Variants in ZC4H2 observed in about 807,000 individuals in gnomAD.
The protein encoded by ZC4H2 is zinc finger C4H2-type containing.
For missense variants in ZC4H2, 137 were observed against 173.9 expected (o/e 0.79, Z 1.19); for synonymous variants, 84 against 66.3 (o/e 1.27, Z -1.30).
At chrX:64,931,630 A>G (rs1227175455) in intron 1 of ZC4H2, among the ~76,000 whole-genome samples, 1 of 111,655 alleles carries the variant, frequency 9.0e-6, no homozygotes, top group African/African-American at 3.3e-5. Flanking sequence ...TCAAGAGCAG[A>G]TTACTTACTT....
intron 1 of ZC4H2, among the ~76,000 whole-genome samples, chrX:64,940,504 C>A (rs12557233): frequency 9.0e-6 from 1 of 111,402 alleles, no homozygotes; most frequent in South Asian, 3.7e-4. Flanking sequence ...AATGGTACTG[C>A]CTGGGTTTTC....
chrX:64,976,297 GC>G, intron 1 of ZC4H2, 27 bp downstream of exon 1: 1 of 1,206,559 alleles, frequency 8.3e-7, no homozygotes, highest in East Asian at 3.0e-5. Flanking sequence ...TTGGAGAGGG[GC>G]GGGGAGGGGG....
chrX:64,987,131 T>C, intron 1 of ZC4H2, among the ~76,000 whole-genome samples: 1 of 109,351 alleles, frequency 9.1e-6, no homozygotes, highest in East Asian at 2.9e-4. Flanking sequence ...GGTTTCACTG[T>C]GTTAGCCAGG....
intron 1 of ZC4H2, among the ~76,000 whole-genome samples, chrX:64,940,801 C>T (rs758124703): frequency 1.8e-5 from 2 of 111,683 alleles, no homozygotes; most frequent in African/African-American, 3.3e-5. Context: ...GTTACCATAG[C>T]CTTGTAGTAT....
At chrX:64,958,012 C>A (rs1931224326) in intron 1 of ZC4H2, among the ~76,000 whole-genome samples, 1 of 111,919 alleles carries the variant, frequency 8.9e-6, no homozygotes, top group Non-Finnish European at 1.9e-5. Context: ...ACAATGCCTT[C>A]TTCTGGAATA....
intron 1 of ZC4H2, among the ~76,000 whole-genome samples, chrX:65,018,799 T>A (rs5964895): frequency 0.14 from 15,836 of 110,928 alleles, 2,707 homozygotes; most frequent in African/African-American, 0.49. Context: ...AAATTCTCAC[T>A]GCCAGTACAG....
In ZC4H2 at chrX:65,030,884, T is replaced by A. The variant is rs144725484; in HGVS notation, c.-272+3745A>T. 1.3e-4 allele frequency among the ~76,000 whole-genome samples: 14 copies of A among 111,321 alleles called. No individual in the cohort carries two copies. In the East Asian group the frequency reaches 4.0e-3, roughly 31 times the overall value. ...TTAGCAAGATTTCCATCATGTTGGTTTAGCAAGAATTCCCCTAGACTTAAT... is the reference window on the plus strand; with the variant it reads ...TTAGCAAGATTTCCATCATGTTGGTATAGCAAGAATTCCCCTAGACTTAAT... On this transcript the variant is annotated intron_variant, in intron 1 of 4. Coordinates refer to the ZC4H2 transcript ENST00000337990.
chrX:64,918,640 A>C (rs147647333), intron 4 of ZC4H2: 2 of 122,107 alleles, frequency 1.6e-5, no homozygotes, highest in South Asian at 3.5e-4. Flanking sequence ...TTTTGCATCT[A>C]ACTTTGCAAA....
intron 1 of ZC4H2, among the ~76,000 whole-genome samples, chrX:65,030,732 C>A (rs1397769819): frequency 9.0e-6 from 1 of 110,777 alleles, no homozygotes; most frequent in African/African-American, 3.3e-5. Context: ...TTGCTTAGTT[C>A]AGTTTTAGCA....
chrX:64,986,908 A>G (rs1932196536), intron 1 of ZC4H2, among the ~76,000 whole-genome samples: 1 of 108,362 alleles, frequency 9.2e-6, no homozygotes, highest in Admixed American at 1.0e-4. Flanking sequence ...CCGTAGACAC[A>G]GACAAGATAA....
chrX:64,949,349 T>A (rs1251415846), intron 1 of ZC4H2, among the ~76,000 whole-genome samples: 1 of 112,205 alleles, frequency 8.9e-6, no homozygotes, highest in East Asian at 2.8e-4. Context: ...TTTTGCCTTC[T>A]TAAATTTTTT....
intron 1 of ZC4H2, among the ~76,000 whole-genome samples, chrX:65,014,862 AC>A (rs1932787098): frequency 8.9e-6 from 1 of 111,890 alleles, no homozygotes; most frequent in Admixed American, 9.5e-5. Flanking sequence ...AGCAAAAATC[AC>A]CTACAATTTC....
intron 1 of ZC4H2, among the ~76,000 whole-genome samples, chrX:65,022,406 C>A (rs368103119): frequency 1.8e-5 from 2 of 111,900 alleles, no homozygotes; most frequent in African/African-American, 6.5e-5. Context: ...ATCATATAAA[C>A]AGAACCAATG....
chrX:65,026,760 A>T (rs1265056219), intron 1 of ZC4H2, among the ~76,000 whole-genome samples: 1 of 111,142 alleles, frequency 9.0e-6, no homozygotes, highest in Non-Finnish European at 1.9e-5. Flanking sequence ...TGTCTTATGG[A>T]ACCCAAAAAC....
rs774083920 is a variant in ZC4H2, at chrX:65,030,991, C to T, written c.-272+3638G>A. 1.6e-4 allele frequency among the ~76,000 whole-genome samples: 18 copies of T among 111,269 alleles called. No individual in the cohort carries two copies. In the Admixed American group the frequency reaches 1.7e-3, roughly 11 times the overall value. On this transcript the variant is annotated intron_variant, in intron 1 of 4. Coordinates refer to the ZC4H2 transcript ENST00000337990. ...AATTCCCACTTATAAATGTTACTCC[C>T]TCCCTTGTTGGACTCAGAGTTGAGC...
chrX:64,927,664 G>A (rs958927803), intron 1 of ZC4H2, among the ~76,000 whole-genome samples: 1 of 111,956 alleles, frequency 8.9e-6, no homozygotes, highest in African/African-American at 3.3e-5. Flanking sequence ...GAATTGCTGG[G>A]TCAAATGGTA....
At chrX:64,997,257 T>C (rs1314909768) in intron 1 of ZC4H2, among the ~76,000 whole-genome samples, 3 of 112,046 alleles carry the variant, frequency 2.7e-5, no homozygotes, top group African/African-American at 9.7e-5. Context: ...AACTATACTT[T>C]AAGGATGATG....
chrX:64,942,973 C>T (rs752339471), intron 1 of ZC4H2, among the ~76,000 whole-genome samples: 2 of 112,315 alleles, frequency 1.8e-5, no homozygotes, highest in Admixed American at 9.4e-5. Context: ...TATTTCTCCA[C>T]ATCCTCTACT....
intron 1 of ZC4H2, among the ~76,000 whole-genome samples, chrX:64,948,295 G>A (rs1930634474): frequency 9.0e-6 from 1 of 111,400 alleles, no homozygotes; most frequent in Non-Finnish European, 1.9e-5. Context: ...TCCAGTTAGA[G>A]GGCTCTTACA....
Sources: allele counts gnomAD v4.1 joint callset (sites outside exome capture counted in the v4.1 genomes callset), GRCh38; gene constraint gnomAD v4.1.1; transcripts MANE v1.5; gene names NCBI Gene and HGNC (gene_info 2026-07-23, HGNC 2026-07-21).